Variants in RSF1 observed in about 807,000 individuals in gnomAD.
RSF1 encodes remodeling and spacing factor 1, also known as HBV pX-associated protein 8.
Under a neutral mutation model 145.2 loss-of-function variants are expected in RSF1, and 13 were observed. The observed-to-expected ratio is 0.09, with a 90% CI of 0.06 to 0.14. The LOEUF (loss-of-function observed/expected upper bound fraction) is 0.14, where lower values mean the gene tolerates loss of function less well. RSF1 is among the 10% of genes least tolerant of loss of function. The pLI is 1.00. For missense variants in RSF1, 1,517 were observed against 1,718.2 expected, an observed-to-expected ratio of 0.88 and a Z score of 2.07; for synonymous variants, 577 against 592.6, an observed-to-expected ratio of 0.97 and a Z score of 0.38.
At chr11:77,868,830 T>C in the RSF1 span, 1 of 205,786 alleles carries the variant, frequency 4.9e-6, no homozygotes, top group Non-Finnish European at 1.1e-5. Context: ...CCCGGGTACC[T>C]TTCTCTCTGG....
At chr11:77,713,230 T>A (rs548485543) in intron 5 of RSF1, among the ~76,000 whole-genome samples, 3 of 152,176 alleles carry the variant, frequency 2.0e-5, no homozygotes, top group Non-Finnish European at 1.5e-5. Flanking sequence ...CACGAGAAGA[T>A]TCCTATACAA....
intron 15 of RSF1, among the ~76,000 whole-genome samples, chr11:77,668,419 G>A (rs1346310502): frequency 1.3e-5 from 2 of 152,168 alleles, no homozygotes; most frequent in Non-Finnish European, 2.9e-5. Flanking sequence ...ATGTCAACAC[G>A]CTGATAAGGA....
intron 3 of RSF1, among the ~76,000 whole-genome samples, chr11:77,745,882 T>C (rs1262362729): frequency 1.3e-5 from 2 of 151,990 alleles, no homozygotes; most frequent in African/African-American, 4.8e-5. Context: ...ACATTTTTGA[T>C]CAAGCATCCT....
chr11:77,670,699 T>TGTTC (rs772635951), intron 15 of RSF1, among the ~76,000 whole-genome samples: 37 of 152,320 alleles, frequency 2.4e-4, no homozygotes, highest in African/African-American at 7.2e-4. Context: ...TCGAAAAAGA[T>TGTTC]GTTCACTTCC....
intron 8 of RSF1, among the ~76,000 whole-genome samples, chr11:77,692,402 G>C (rs1290033582): frequency 8.2e-6 from 1 of 121,230 alleles, no homozygotes; most frequent in Admixed American, 8.6e-5. Context: ...CCGCCACTAC[G>C]CCCGGCTAAT....
intron 1 of RSF1, among the ~76,000 whole-genome samples, chr11:77,796,507 T>C (rs1948573916): frequency 6.6e-6 from 1 of 152,140 alleles, no homozygotes; most frequent in East Asian, 1.9e-4. Flanking sequence ...GATGGAAACA[T>C]ATCTCAAAAT....
chr11:77,746,433 G>T (rs1948002928), intron 3 of RSF1, among the ~76,000 whole-genome samples: 1 of 152,138 alleles, frequency 6.6e-6, no homozygotes, highest in South Asian at 2.1e-4. Flanking sequence ...GAGGTCTTTT[G>T]AATAAGAAGC....
intron 11 of RSF1, among the ~76,000 whole-genome samples, chr11:77,680,166 C>G (rs1158611115): frequency 2.6e-5 from 4 of 152,080 alleles, no homozygotes; most frequent in Non-Finnish European, 5.9e-5. Context: ...AAAGCTAGGG[C>G]TGGGTGCAGT....
intron 1 of RSF1, among the ~76,000 whole-genome samples, chr11:77,765,178 A>G (rs1049271103): frequency 5.9e-5 from 9 of 152,318 alleles, no homozygotes; most frequent in Admixed American, 2.0e-4. Context: ...CTATACAACT[A>G]AAGTTTGTAT....
chr11:77,679,619 G>A (rs528857164), intron 11 of RSF1, among the ~76,000 whole-genome samples: 2 of 151,206 alleles, frequency 1.3e-5, no homozygotes, highest in South Asian at 4.2e-4. Context: ...GATGAAGTAA[G>A]CCGAGAATGC....
intron 15 of RSF1, among the ~76,000 whole-genome samples, chr11:77,671,239 A>G (rs1463422306): frequency 6.9e-6 from 1 of 144,220 alleles, no homozygotes; most frequent in East Asian, 2.0e-4. Flanking sequence ...AAGTAAAACA[A>G]AAAAGACTAA....
At position 77,685,093 on chromosome 11, in the gene RSF1, T is replaced by C; in HGVS notation, c.2955+12A>G. 1 of 1,502,398 alleles carries C rather than the reference T, an allele frequency of 6.7e-7. No individual in the cohort carries two copies. The highest frequency in any genetic ancestry group is 1.9e-5 in the Admixed American group (1 of 51,456). 93.1% of individuals were successfully genotyped at this position (1,502,398 alleles called of 1,614,324 possible). ...ATCTCCCATTTAAAAACATTACAAA[T>C]CAGAAACTTACTTGTGGAGGAATGA... On this transcript the variant is annotated intron_variant, in intron 10 of 15. Transcript: ENST00000308488.
chr11:77,831,309 C>T, the RSF1 span, among the ~76,000 whole-genome samples: 4 of 152,290 alleles, frequency 2.6e-5, no homozygotes, highest in East Asian at 7.7e-4. Flanking sequence ...AAATGATAAA[C>T]ATAAAGTTAC....
At chr11:77,731,083 T>C (rs563855245) in intron 4 of RSF1, among the ~76,000 whole-genome samples, 9 of 152,130 alleles carry the variant, frequency 5.9e-5, no homozygotes, top group Admixed American at 1.3e-4. Flanking sequence ...GTGGGAAAGT[T>C]TGGAACTTCC....
At chr11:77,700,544 TAA>T (rs1960393425) in intron 6 of RSF1, among the ~76,000 whole-genome samples, 175 bp downstream of exon 6, 1 of 152,038 alleles carries the variant, frequency 6.6e-6, no homozygotes, top group African/African-American at 2.4e-5. Flanking sequence ...TTAAAAAAGT[TAA>T]AAGATGACAA....
At chr11:77,856,403 A>T in the RSF1 span, among the ~76,000 whole-genome samples, 3 of 152,070 alleles carry the variant, frequency 2.0e-5, no homozygotes, top group Non-Finnish European at 4.4e-5. Context: ...AGCCCTTCAA[A>T]CTATTCCACC....
chr11:77,668,020 TAG>T (rs1216088079), intron 15 of RSF1, among the ~76,000 whole-genome samples: 5 of 149,632 alleles, frequency 3.3e-5, no homozygotes, highest in South Asian at 2.1e-4. Context: ...TTTTTTGAGA[TAG>T]AGTCTCACTC....
chr11:77,830,453 G>A, the RSF1 span, among the ~76,000 whole-genome samples: 6 of 152,040 alleles, frequency 3.9e-5, no homozygotes, highest in African/African-American at 7.2e-5. Context: ...CAAACCTGCC[G>A]TGAATCAAAC....
chr11:77,754,707 G>A (rs1243074389), intron 2 of RSF1, among the ~76,000 whole-genome samples: 2 of 152,068 alleles, frequency 1.3e-5, no homozygotes, highest in East Asian at 1.9e-4. Flanking sequence ...TCACACCACT[G>A]CACTCCAGTC....
Sources: allele counts gnomAD v4.1 joint callset (sites outside exome capture counted in the v4.1 genomes callset), GRCh38; gene constraint gnomAD v4.1.1; transcripts MANE v1.5; gene names NCBI Gene and HGNC (gene_info 2026-07-23, HGNC 2026-07-21).